Variants in IGF1R observed in about 807,000 individuals in gnomAD.
The protein encoded by IGF1R is insulin like growth factor 1 receptor.
In IGF1R, 44 loss-of-function variants were observed where a neutral mutation model predicts 144.6. That is an observed-to-expected ratio of 0.30 (90% CI 0.24 to 0.39). The LOEUF is 0.39. IGF1R is among the 10% of genes least tolerant of loss of function. The pLI is 1.00. For synonymous variants in IGF1R, 795 were observed against 722.8 expected (o/e 1.10, Z -1.60); for missense variants, 1,355 against 1,833.7 (o/e 0.74, Z 4.77).
At chr15:98,710,722 A>G (rs1187227488) in intron 2 of IGF1R, among the ~76,000 whole-genome samples, 1 of 146,872 alleles carries the variant, frequency 6.8e-6, no homozygotes, top group South Asian at 2.1e-4. Context: ...GCTGGAGTGC[A>G]GCGGCGCGAT....
At chr15:98,769,594 TG>T (rs1444356738) in intron 2 of IGF1R, among the ~76,000 whole-genome samples, 2 of 152,220 alleles carry the variant, frequency 1.3e-5, no homozygotes, top group Non-Finnish European at 2.9e-5. Flanking sequence ...CACAGCGTGT[TG>T]TACTGCTAGT....
intron 2 of IGF1R, among the ~76,000 whole-genome samples, chr15:98,744,257 C>T (rs768278847): frequency 6.6e-6 from 1 of 151,820 alleles, no homozygotes; most frequent in Admixed American, 6.6e-5. Context: ...GGAAAGCATG[C>T]GAGTGTGATG....
In IGF1R at chr15:98,957,890, G is replaced by A. The variant is rs933593686; in HGVS notation, c.*448G>A. On this transcript the variant is annotated 3_prime_UTR_variant, in exon 21 of 21. Transcript: ENST00000650285. ...CCCCATCCAACCACTGTACACACCCGCCTGACACCGTGGGTCATTACAAAA... is the reference window on the plus strand; with the variant it reads ...CCCCATCCAACCACTGTACACACCCACCTGACACCGTGGGTCATTACAAAA... The A allele has an allele frequency of 6.1e-5, 15 of 246,192 alleles. No homozygotes were observed. The highest frequency in any genetic ancestry group is 1.0e-4 in the Non-Finnish European group (13 of 126,702). The allele number at this position is 246,192 out of a possible 1,614,324, so 15.3% of individuals were successfully genotyped here. A position where few individuals can be genotyped will look rare whatever the true frequency, so the allele number is the denominator to read the frequency against.
rs76837979 is a variant in IGF1R, at chr15:98,655,568, A to G, written c.94+5893A>G. ...ATGCAGTTCTTTAGGTTTAGAAATT[A>G]TTTGATACTGTAAAATGTCTTACCA... On this transcript the variant is annotated intron_variant, in intron 1 of 20. Transcript: ENST00000650285. Among the ~76,000 whole-genome samples the G allele has an allele frequency of 8.2e-3, 1,247 of 152,094 alleles. 12 individuals carry two copies. Among genetic ancestry groups the G allele is most frequent in the African/African-American group, 0.029 (1,186 of 41,484 alleles).
At chr15:98,941,244 G>A (rs762027132) in intron 18 of IGF1R, among the ~76,000 whole-genome samples, 2 of 152,230 alleles carry the variant, frequency 1.3e-5, no homozygotes, top group Non-Finnish European at 2.9e-5. Context: ...GCAGCAGCAC[G>A]TGCCTGGCAC....
At chr15:98,894,315 C>CTGGAT (rs1596406278) in intron 3 of IGF1R, among the ~76,000 whole-genome samples, 1 of 152,150 alleles carries the variant, frequency 6.6e-6, no homozygotes, top group African/African-American at 2.4e-5. Flanking sequence ...AGTTGTAACC[C>CTGGAT]TGGATATTTA....
intron 1 of IGF1R, among the ~76,000 whole-genome samples, chr15:98,693,299 T>C (rs2141235735): frequency 6.6e-6 from 1 of 152,308 alleles, no homozygotes; most frequent in East Asian, 1.9e-4. Context: ...AGTAGTGCCA[T>C]TTCCATGTAG....
intron 18 of IGF1R, among the ~76,000 whole-genome samples, chr15:98,942,113 T>C (rs1036157916): frequency 6.6e-6 from 1 of 152,154 alleles, no homozygotes. Context: ...CTGGGTACTT[T>C]TGTCATCATG....
intron 2 of IGF1R, among the ~76,000 whole-genome samples, chr15:98,749,000 T>C (rs536800303): frequency 2.0e-5 from 3 of 152,148 alleles, no homozygotes; most frequent in Non-Finnish European, 4.4e-5. Context: ...GTGGGAATTA[T>C]CTCTTTTCTT....
At chr15:98,932,390 A>G (rs561488593) in intron 15 of IGF1R, among the ~76,000 whole-genome samples, 1 of 152,342 alleles carries the variant, frequency 6.6e-6, no homozygotes, top group East Asian at 1.9e-4. Flanking sequence ...TCCAGAGTAC[A>G]TTGAAAATCC....
At chr15:98,888,731 T>C (rs2013765995) in intron 2 of IGF1R, among the ~76,000 whole-genome samples, 1 of 152,204 alleles carries the variant, frequency 6.6e-6, no homozygotes, top group Admixed American at 6.5e-5. Context: ...TAGAGATAGC[T>C]CTGAAGACAT....
At chr15:98,713,805 A>ACT (rs2141269215) in intron 2 of IGF1R, among the ~76,000 whole-genome samples, 1 of 152,320 alleles carries the variant, frequency 6.6e-6, no homozygotes, top group Admixed American at 6.5e-5. Context: ...CTAAGACCTT[A>ACT]CTGCAACTAA....
chr15:98,659,324 A>G (rs1468086728), intron 1 of IGF1R, among the ~76,000 whole-genome samples: 1 of 151,608 alleles, frequency 6.6e-6, no homozygotes, highest in African/African-American at 2.4e-5. Flanking sequence ...CTCCCTTAAT[A>G]TTGTCATTTG....
At chr15:98,736,808 C>T (rs796813301) in intron 2 of IGF1R, among the ~76,000 whole-genome samples, 3 of 152,098 alleles carry the variant, frequency 2.0e-5, no homozygotes, top group African/African-American at 4.8e-5. Context: ...GACGACGTTT[C>T]ACCATGTTGC....
chr15:98,945,434 TC>T (rs2016515833), intron 19 of IGF1R, among the ~76,000 whole-genome samples: 1 of 152,128 alleles, frequency 6.6e-6, no homozygotes, highest in South Asian at 2.1e-4. Context: ...CCGCCGGTCT[TC>T]CCCCTGGGGA....
At chr15:98,878,681 AAAAAAAAAAAAAAAC>A (rs1338981805) in intron 2 of IGF1R, among the ~76,000 whole-genome samples, 11 of 124,128 alleles carry the variant, frequency 8.9e-5, no homozygotes, top group East Asian at 3.0e-4. Flanking sequence ...AAAAAAAAAA[AAAAAAAAAAAAAAAC>A]AACAACAAAA....
At chr15:98,804,130 T>C (rs993872759) in intron 2 of IGF1R, among the ~76,000 whole-genome samples, 2 of 152,240 alleles carry the variant, frequency 1.3e-5, no homozygotes, top group African/African-American at 4.8e-5. Flanking sequence ...GCCTCATGAC[T>C]GTATTTCTAT....
intron 2 of IGF1R, among the ~76,000 whole-genome samples, chr15:98,889,355 G>C (rs1426648511): frequency 6.6e-6 from 1 of 152,168 alleles, no homozygotes; most frequent in South Asian, 2.1e-4. Context: ...AGGAACTCTT[G>C]GAGGCAACTA....
intron 2 of IGF1R, among the ~76,000 whole-genome samples, chr15:98,730,933 C>G (rs562285147): frequency 1.4e-4 from 22 of 152,106 alleles, no homozygotes; most frequent in Non-Finnish European, 2.9e-4. Flanking sequence ...ATTAGAAGAG[C>G]TTGACTCGGA....
Sources: gnomAD v4.1 joint callset for allele counts (sites outside exome capture counted in the v4.1 genomes callset) on GRCh38, gnomAD v4.1.1 for gene constraint, MANE v1.5 for transcripts, NCBI Gene and HGNC (gene_info 2026-07-23, HGNC 2026-07-21) for gene names.